XRCC5: variants seen among roughly 807,000 people sequenced by gnomAD.
XRCC5 encodes the protein DNA repair protein Ku80.
A neutral mutation model predicts 95.7 loss-of-function variants in XRCC5; 12 were observed. That is an observed-to-expected ratio of 0.13 (90% CI 0.08 to 0.20). The LOEUF is 0.20. Ranked by LOEUF, XRCC5 falls within the 10% of genes least tolerant of loss-of-function variation. The pLI is 1.00. For missense variants in XRCC5, 595 were observed against 873.9 expected (o/e 0.68, Z 4.02); for synonymous variants, 281 against 290.3 (o/e 0.97, Z 0.33).
At chr2:216,117,118 A>C in intron 3 of XRCC5, 1 of 420,732 alleles carries the variant, frequency 2.4e-6, no homozygotes, top group Non-Finnish European at 4.3e-6. Context: ...TAGGGAGTAT[A>C]TGTGAGCATT....
In XRCC5 at chr2:216,204,476, CT is replaced by C; in HGVS notation, c.2184+82del. On this transcript the variant is annotated intron_variant, in intron 20 of 20. Transcript: ENST00000392132. ...AAATACAGCCACAAAGGCTGATTAT[CT>C]TACACTTGTTGCTTATTTGTGTTTT... 4.8e-6 allele frequency: 7 copies of C among 1,468,766 alleles called. No individual in the cohort carries two copies. The South Asian group carries it at 8.0e-5, about 17-fold the overall frequency. The allele number at this position is 1,468,766 out of a possible 1,614,324, so 91.0% of individuals were successfully genotyped here.
At chr2:216,152,403 T>C (rs1688760492) in intron 14 of XRCC5, among the ~76,000 whole-genome samples, 1 of 151,652 alleles carries the variant, frequency 6.6e-6, no homozygotes, top group Non-Finnish European at 1.5e-5. Flanking sequence ...ATCACACCAT[T>C]ACACTCCAGC....
intron 8 of XRCC5, among the ~76,000 whole-genome samples, chr2:216,128,256 A>G (rs911748639): frequency 2.0e-5 from 3 of 152,218 alleles, no homozygotes; most frequent in African/African-American, 7.2e-5. Context: ...AAGACCTAAA[A>G]TTATTAAGAT....
rs1261554266 is a variant in XRCC5 at position 216,205,984 on chromosome 2, A to G, written c.*782A>G. 6.6e-6 allele frequency: 1 copy of G among 152,220 alleles called. No individual in the cohort carries two copies. The highest frequency in any genetic ancestry group is 2.4e-5 in the African/African-American group (1 of 41,470). The allele number at this position is 152,220 out of a possible 1,614,324, so 9.4% of individuals were successfully genotyped here. On this transcript the variant is annotated 3_prime_UTR_variant, in exon 21 of 21. Coordinates refer to ENST00000392132, the MANE Select transcript of XRCC5 (RefSeq NM_021141.4). Reference sequence around the variant, plus strand: ...GAATTATATCACTTCACTGTTCTCTACTTGCAAGCCTCAAAGAGAGAAAGT... The same window carrying G: ...GAATTATATCACTTCACTGTTCTCTGCTTGCAAGCCTCAAAGAGAGAAAGT...
At chr2:216,133,152 T>C (rs1274087305) in intron 10 of XRCC5, among the ~76,000 whole-genome samples, 1 of 152,234 alleles carries the variant, frequency 6.6e-6, no homozygotes, top group Non-Finnish European at 1.5e-5. Flanking sequence ...CATTATTATC[T>C]CAGAACAGTT....
At chr2:216,136,590 A>C (rs1697084417) in intron 10 of XRCC5, among the ~76,000 whole-genome samples, 1 of 152,136 alleles carries the variant, frequency 6.6e-6, no homozygotes, top group African/African-American at 2.4e-5. Context: ...ACTGTCAAAC[A>C]AAAAAATCGA....
At position 216,180,922 on chromosome 2, in the gene XRCC5, C is replaced by T. The variant is rs183302415; in HGVS notation, c.1835-9303C>T. 4.4e-4 allele frequency among the ~76,000 whole-genome samples: 67 copies of T among 151,616 alleles called. 2 individuals carry two copies. In the East Asian group the frequency reaches 0.013, roughly 29 times the overall value. ...CTACTTCCCAGGTTCAAACAATTCTCCTGTCTCAGCCTTCCTGAGTAGCTG... is the reference window on the plus strand; with the variant it reads ...CTACTTCCCAGGTTCAAACAATTCTTCTGTCTCAGCCTTCCTGAGTAGCTG... On this transcript the variant is annotated intron_variant, in intron 16 of 20. Transcript: ENST00000392132.
intron 16 of XRCC5, among the ~76,000 whole-genome samples, chr2:216,164,902 GGA>G (rs1279353526): frequency 6.6e-6 from 1 of 152,172 alleles, no homozygotes; most frequent in Non-Finnish European, 1.5e-5. Flanking sequence ...GAAAAGACCA[GGA>G]GAGAGTCAGT....
intron 16 of XRCC5, among the ~76,000 whole-genome samples, chr2:216,167,981 TTTTC>T (rs1171861726): frequency 6.6e-6 from 1 of 152,126 alleles, no homozygotes; most frequent in Non-Finnish European, 1.5e-5. Flanking sequence ...TTTTCACTGG[TTTTC>T]TTTTTGACTC....
chr2:216,124,589 C>T (rs919483401), intron 6 of XRCC5, among the ~76,000 whole-genome samples: 1 of 152,164 alleles, frequency 6.6e-6, no homozygotes, highest in Non-Finnish European at 1.5e-5. Context: ...CCATTGTGCA[C>T]CATAGGCTTT....
intron 13 of XRCC5, among the ~76,000 whole-genome samples, chr2:216,141,888 A>G (rs993371861): frequency 6.6e-5 from 10 of 151,880 alleles, no homozygotes; most frequent in South Asian, 4.2e-4. Context: ...CCCTGTCTCT[A>G]CCAAAAAATA....
rs779510148 is a variant in XRCC5, at chr2:216,122,190, T to A, written c.620T>A (p.Ile207Lys). The change falls in exon 6 of 21, where the codon ATA (isoleucine) becomes AAA (lysine). Residue 207 changes from isoleucine to lysine, a missense_variant. Coordinates refer to ENST00000392132, the MANE Select transcript of XRCC5 (RefSeq NM_021141.4). ...ITEQQKEGLE[I>K]VKMVMISLEG... ...GAACAGCAAAAAGAAGGTCTTGAGATAGTGAAAATGGTGATGATATCTTTA... is the reference window on the plus strand; with the variant it reads ...GAACAGCAAAAAGAAGGTCTTGAGAAAGTGAAAATGGTGATGATATCTTTA... 6.2e-7 allele frequency: 1 copy of A among 1,614,004 alleles called. No homozygotes were observed. Among genetic ancestry groups the A allele is most frequent in the South Asian group, 1.1e-5 (1 of 91,076 alleles).
intron 13 of XRCC5, among the ~76,000 whole-genome samples, chr2:216,145,851 A>G (rs1442097188): frequency 6.6e-6 from 1 of 152,202 alleles, no homozygotes; most frequent in Admixed American, 6.5e-5. Flanking sequence ...AGAAATGTCA[A>G]TTGGATATCA....
intron 12 of XRCC5, among the ~76,000 whole-genome samples, chr2:216,138,603 T>A (rs573596155): frequency 6.6e-5 from 10 of 152,296 alleles, no homozygotes; most frequent in African/African-American, 2.4e-4. Flanking sequence ...TTTTGTAGTT[T>A]GCACCAACAG....
rs1296017413 is a variant in XRCC5, at chr2:216,165,524, C to T, written c.1834+3476C>T. On this transcript the variant is annotated intron_variant, in intron 16 of 20. Coordinates refer to ENST00000392132, the MANE Select transcript of XRCC5 (RefSeq NM_021141.4). Reference sequence around the variant, plus strand: ...CCAGCTCCAGAATTGATGTCCTGTTCTTTGTTTTGGGCATCTTGTTTGTTT... The same window carrying T: ...CCAGCTCCAGAATTGATGTCCTGTTTTTTGTTTTGGGCATCTTGTTTGTTT... Among the ~76,000 whole-genome samples, 3 of 152,276 alleles carry T rather than the reference C, an allele frequency of 2.0e-5. No homozygotes were observed. The East Asian group carries it at 5.8e-4, about 29-fold the overall frequency.
At chr2:216,172,185 G>A (rs929301328) in intron 16 of XRCC5, among the ~76,000 whole-genome samples, 24 of 152,214 alleles carry the variant, frequency 1.6e-4, no homozygotes, top group Non-Finnish European at 3.2e-4. Flanking sequence ...TAACCCGGTG[G>A]TGGAACATTC....
chr2:216,192,583 T>G lies in XRCC5; in HGVS notation c.1945-56T>G, dbSNP rs907982270. 5.5e-6 allele frequency: 7 copies of G among 1,281,140 alleles called. No individual in the cohort carries two copies. The African/African-American group carries it at 9.2e-5, about 17-fold the overall frequency. 79.4% of individuals were successfully genotyped at this position (1,281,140 alleles called of 1,614,324 possible). On this transcript the variant is annotated intron_variant, in intron 17 of 20. Coordinates refer to ENST00000392132, the MANE Select transcript of XRCC5 (RefSeq NM_021141.4). Reference sequence around the variant, plus strand: ...AAACTTTGTTTGGTCTGGGGTGAATTTGTTTTTGTGTTTGCTCTGACTTGC... The same window carrying G: ...AAACTTTGTTTGGTCTGGGGTGAATGTGTTTTTGTGTTTGCTCTGACTTGC...
chr2:216,131,262 G>A, intron 9 of XRCC5: 1 of 985,346 alleles, frequency 1.0e-6, no homozygotes, highest in Non-Finnish European at 1.2e-6. Flanking sequence ...TTTGAATTAT[G>A]TGGGCCTAAC....
At position 216,190,238 on chromosome 2, in the gene XRCC5, C is replaced by T. The variant is rs1349096386; in HGVS notation, c.1848C>T (p.Leu616=). 1 of 1,613,640 alleles carries T rather than the reference C, an allele frequency of 6.2e-7. No homozygotes were observed. Among genetic ancestry groups the T allele is most frequent in the Non-Finnish European group, 8.5e-7 (1 of 1,179,878 alleles). ...CTTATGTTTTAGCGAGTAACCAGCT[C>T]ATAAATCACATCGAACAGTTTTTGG... ...KASFEEASNQ[L]INHIEQFLDT... The change falls in exon 17 of 21, where the codon CTC becomes CTT. Residue 616 remains leucine, a synonymous_variant. Transcript: ENST00000392132.
Sources: allele counts gnomAD v4.1 joint callset (sites outside exome capture counted in the v4.1 genomes callset), GRCh38; gene constraint gnomAD v4.1.1; transcripts MANE v1.5; gene names NCBI Gene and HGNC (gene_info 2026-07-23, HGNC 2026-07-21).